PUS7: variants seen among roughly 807,000 people sequenced by gnomAD.
PUS7 encodes the protein pseudouridine synthase 7.
PUS7 carries 48 observed loss-of-function variants against 79.8 expected under a neutral mutation model. That is an observed-to-expected ratio of 0.60 (90% CI 0.48 to 0.76). The LOEUF (loss-of-function observed/expected upper bound fraction) is 0.76, where lower values mean the gene tolerates loss of function less well. Ranked by LOEUF, PUS7 falls within the 30% of genes least tolerant of loss-of-function variation. The probability of loss-of-function intolerance (pLI) is 0.00; values close to 1 mark genes in which losing one functional copy is unlikely to be tolerated. For synonymous variants in PUS7, 286 were observed against 272.2 expected (o/e 1.05, Z -0.50); for missense variants, 729 against 797.6 (o/e 0.91, Z 1.04).
chr7:105,521,002 C>A (rs1826086586), intron 1 of PUS7, among the ~76,000 whole-genome samples: 1 of 152,088 alleles, frequency 6.6e-6, no homozygotes, highest in African/African-American at 2.4e-5. Flanking sequence ...GAGCAAAATT[C>A]TGTCTCAAAA....
At chr7:105,521,385 G>C (rs1417341027) in intron 1 of PUS7, among the ~76,000 whole-genome samples, 1 of 152,216 alleles carries the variant, frequency 6.6e-6, no homozygotes, top group Non-Finnish European at 1.5e-5. Context: ...CAGGGCTGAC[G>C]AGGAGGACTC....
chr7:105,459,248 G>T lies in PUS7; in HGVS notation c.1769C>A (p.Ala590Glu). Residue 590 changes from alanine (A) to glutamate (E), a missense_variant, in exon 15 of 16, where the codon GCA (alanine) becomes GAA (glutamate). By Grantham distance (107) the Ala-to-Glu change is moderately radical. Transcript: ENST00000469408. ...RPQNVSWEVVAYDDPKIPLFN... is the reference protein window; with the variant it reads ...RPQNVSWEVVEYDDPKIPLFN... ...AAGTGGAATTTTGGGATCATCATAT[G>T]CAACGACTTCCCTTCAAAACATATG... 1 of 1,608,904 alleles carries T rather than the reference G, an allele frequency of 6.2e-7. No individual in the cohort carries two copies. Among genetic ancestry groups the T allele is most frequent in the Non-Finnish European group, 8.5e-7 (1 of 1,176,112 alleles).
chr7:105,514,825 T>C (rs1825833301), intron 1 of PUS7, among the ~76,000 whole-genome samples: 1 of 151,652 alleles, frequency 6.6e-6, no homozygotes, highest in South Asian at 2.1e-4. Context: ...GGAGTCTCGC[T>C]TTGTGCCCCA....
At chr7:105,521,384 C>G (rs1183355779) in intron 1 of PUS7, among the ~76,000 whole-genome samples, 4 of 152,220 alleles carry the variant, frequency 2.6e-5, no homozygotes, top group South Asian at 2.1e-4. Flanking sequence ...GCAGGGCTGA[C>G]GAGGAGGACT....
rs55923593 is a variant in PUS7 at position 105,460,853 on chromosome 7, CAAAAAAAA to C, written c.1758-1602_1758-1595del. Among the ~76,000 whole-genome samples the C allele has an allele frequency of 7.2e-5, 6 of 83,564 alleles. No individual in the cohort carries two copies. The South Asian group carries it at 1.7e-3, about 23-fold the overall frequency. 54.8% of individuals were successfully genotyped at this position (83,564 alleles called of 152,430 possible). A position where few individuals can be genotyped will look rare whatever the true frequency, so the allele number is the denominator to read the frequency against. On this transcript the variant is annotated intron_variant, in intron 14 of 15. Transcript: ENST00000469408. ...TGGGCGACAGAGCGAGACTCCGTCT[CAAAAAAAA>C]AAAAAAAAAAAAAAATTTGTTTTTG...
chr7:105,475,598 A>G (rs1279689834), intron 9 of PUS7, among the ~76,000 whole-genome samples: 1 of 152,182 alleles, frequency 6.6e-6, no homozygotes, highest in Non-Finnish European at 1.5e-5. Context: ...CTGGCATTAC[A>G]GGTGTGAGCC....
intron 9 of PUS7, among the ~76,000 whole-genome samples, chr7:105,474,811 T>G (rs1001887946): frequency 1.3e-5 from 2 of 151,798 alleles, no homozygotes; most frequent in African/African-American, 4.8e-5. Flanking sequence ...CAAAAAAACC[T>G]TTGTTAAATA....
At chr7:105,480,228 T>C (rs552770248) in intron 9 of PUS7, among the ~76,000 whole-genome samples, 30 of 151,836 alleles carry the variant, frequency 2.0e-4, no homozygotes, top group African/African-American at 7.0e-4. Context: ...TCCCAACACT[T>C]TGGGAGGCTG....
chr7:105,512,764 C>T (rs1347825533), intron 1 of PUS7, among the ~76,000 whole-genome samples: 1 of 152,084 alleles, frequency 6.6e-6, no homozygotes, highest in Admixed American at 6.6e-5. Context: ...CTGTGGCACC[C>T]CTTTGAAGAG....
Position 105,505,949 on chromosome 7 carries a change from A to G in PUS7, c.585+6T>C. The G allele has an allele frequency of 6.3e-7, 1 of 1,596,102 alleles. No individual in the cohort carries two copies. Among genetic ancestry groups the G allele is most frequent in the Admixed American group, 1.8e-5 (1 of 56,374 alleles). On this transcript the variant is annotated splice_donor_region_variant and intron_variant, in intron 4 of 15. Coordinates refer to ENST00000469408, the MANE Select transcript of PUS7 (RefSeq NM_019042.5). ...ATAATTTTTCATATATTTTTGCATT[A>G]GTTACCTCAATGGCAACACTGGTTT...
intron 1 of PUS7, among the ~76,000 whole-genome samples, chr7:105,514,848 G>A (rs1825833986): frequency 6.6e-6 from 1 of 150,856 alleles, no homozygotes; most frequent in Admixed American, 6.6e-5. Context: ...CTGGAGAGCA[G>A]TGGCGCAATC....
chr7:105,511,442 TA>T (rs754392662), intron 1 of PUS7, among the ~76,000 whole-genome samples: 18,070 of 106,646 alleles, frequency 0.17, 1,191 homozygotes, highest in African/African-American at 0.22. Context: ...AATTTTCATT[TA>T]AAAAAAAAAA....
At chr7:105,488,799 C>T (rs977366264) in intron 7 of PUS7, among the ~76,000 whole-genome samples, 20 of 152,076 alleles carry the variant, frequency 1.3e-4, no homozygotes, top group African/African-American at 4.1e-4. Context: ...AAGGTGATCT[C>T]GGAAGAAGTA....
At chr7:105,494,320 T>C (rs1405139834) in intron 6 of PUS7, among the ~76,000 whole-genome samples, 5 of 152,104 alleles carry the variant, frequency 3.3e-5, no homozygotes, top group Admixed American at 1.3e-4. Context: ...AATTCATCCA[T>C]TGCCTAAGAA....
chr7:105,492,052 C>CA (rs368940149), intron 6 of PUS7, among the ~76,000 whole-genome samples: 68,058 of 116,854 alleles, frequency 0.58, 19,659 homozygotes, highest in Middle Eastern at 0.64. Context: ...GACTCCGTCT[C>CA]AAAAAAAAAA....
chr7:105,495,949 C>T (rs1460194292), intron 5 of PUS7, among the ~76,000 whole-genome samples: 1 of 151,842 alleles, frequency 6.6e-6, no homozygotes, highest in Non-Finnish European at 1.5e-5. Flanking sequence ...CACCTGAGGT[C>T]AGGAGTTTGA....
rs557865197 is a variant in PUS7, at chr7:105,490,377, A to G, written c.920+1163T>C. Among the ~76,000 whole-genome samples the G allele has an allele frequency of 2.2e-4, 33 of 152,236 alleles. 1 individual carries two copies. In the South Asian group the frequency reaches 6.6e-3, roughly 31 times the overall value. On this transcript the variant is annotated intron_variant, in intron 7 of 15. Coordinates refer to ENST00000469408, the MANE Select transcript of PUS7 (RefSeq NM_019042.5). ...GCCTCTGGAGGTATACTAATAAGAC[A>G]GCCTAAATGTGTCTGACACAGTACA...
chr7:105,493,304 C>T (rs193219404), intron 6 of PUS7, among the ~76,000 whole-genome samples: 2 of 152,254 alleles, frequency 1.3e-5, no homozygotes. Context: ...TAAACTTAAC[C>T]GTTCCATATG....
At chr7:105,485,009 C>T (rs1180659125) in intron 7 of PUS7, among the ~76,000 whole-genome samples, 1 of 151,082 alleles carries the variant, frequency 6.6e-6, no homozygotes, top group East Asian at 2.0e-4. Context: ...GCTACAGGCA[C>T]ACACCACCAT....
Sources: gnomAD v4.1 joint callset for allele counts (sites outside exome capture counted in the v4.1 genomes callset) on GRCh38, gnomAD v4.1.1 for gene constraint, MANE v1.5 for transcripts, NCBI Gene and HGNC (gene_info 2026-07-23, HGNC 2026-07-21) for gene names.